Variants in RBFOX1 observed in about 807,000 individuals in gnomAD.
RBFOX1 encodes RNA binding fox-1 homolog 1.
Under a neutral mutation model 57.7 loss-of-function variants are expected in RBFOX1, and 8 were observed. The ratio of observed to expected loss-of-function variants is 0.14; its 90% confidence interval spans 0.08 to 0.25. The LOEUF (loss-of-function observed/expected upper bound fraction) is 0.25, where lower values mean the gene tolerates loss of function less well. RBFOX1 is among the 10% of genes least tolerant of loss of function. The pLI is 1.00. For missense variants in RBFOX1, 611 were observed against 548.5 expected (o/e 1.11, Z -1.14); for synonymous variants, 326 against 222.4 (o/e 1.47, Z -4.15).
At chr16:5,411,649 C>G (rs949696518) in intron 1 of RBFOX1, among the ~76,000 whole-genome samples, 34 of 151,986 alleles carry the variant, frequency 2.2e-4, no homozygotes, top group South Asian at 6.2e-4. Flanking sequence ...ACTGTGGTCC[C>G]AAGACTTTGG....
chr16:7,156,447 A>G (rs764683321), intron 4 of RBFOX1, among the ~76,000 whole-genome samples: 1 of 152,104 alleles, frequency 6.6e-6, no homozygotes, highest in African/African-American at 2.4e-5. Flanking sequence ...AGATATGCAT[A>G]TATGTGTACA....
intron 1 of RBFOX1, among the ~76,000 whole-genome samples, chr16:6,173,492 C>T (rs539417893): frequency 2.7e-4 from 41 of 151,984 alleles, no homozygotes; most frequent in Admixed American, 1.1e-3. Flanking sequence ...CTCCACTCAC[C>T]AGTGGATATT....
At chr16:7,085,785 C>G (rs1277963242) in intron 4 of RBFOX1, among the ~76,000 whole-genome samples, 2 of 152,136 alleles carry the variant, frequency 1.3e-5, no homozygotes, top group African/African-American at 2.4e-5. Context: ...GTGTTCAGAA[C>G]TTCTCCCAAG....
At chr16:6,095,972 G>A (rs934577412) in intron 1 of RBFOX1, among the ~76,000 whole-genome samples, 4 of 152,166 alleles carry the variant, frequency 2.6e-5, no homozygotes, top group African/African-American at 9.7e-5. Context: ...AGCCACCCAG[G>A]CCACGATGGG....
chr16:6,691,893 G>C (rs1313602388), intron 3 of RBFOX1, among the ~76,000 whole-genome samples: 2 of 151,386 alleles, frequency 1.3e-5, no homozygotes, highest in Non-Finnish European at 2.9e-5. Flanking sequence ...TGGTCAGAAA[G>C]ATGCTACTTT....
chr16:7,030,823 C>T (rs1485805136), intron 3 of RBFOX1, among the ~76,000 whole-genome samples: 2 of 152,192 alleles, frequency 1.3e-5, no homozygotes, highest in African/African-American at 2.4e-5. Context: ...GACTTGACTT[C>T]ATCCGTGTCT....
At chr16:6,589,054 G>A (rs1282757288) in intron 2 of RBFOX1, among the ~76,000 whole-genome samples, 1 of 152,074 alleles carries the variant, frequency 6.6e-6, no homozygotes, top group Non-Finnish European at 1.5e-5. Flanking sequence ...TTATTACACT[G>A]ATAGTAGTGA....
rs1010475215 is a variant in RBFOX1, at chr16:5,795,257, T to G, written c.319-72046T>G. Among the ~76,000 whole-genome samples, 4 of 152,072 alleles carry G rather than the reference T, an allele frequency of 2.6e-5. No individual in the cohort carries two copies. In the East Asian group the frequency reaches 5.8e-4, roughly 22 times the overall value. On this transcript the variant is annotated intron_variant, in intron 3 of 19. Coordinates refer to the RBFOX1 transcript ENST00000641259. ...TATGCCCAGTGACACTTGGTTCCTGTTAAGGACCAAGATCTGTTCCACCTT... is the reference window on the plus strand; with the variant it reads ...TATGCCCAGTGACACTTGGTTCCTGGTAAGGACCAAGATCTGTTCCACCTT...
intron 2 of RBFOX1, among the ~76,000 whole-genome samples, chr16:6,622,349 CT>C (rs1601797279): frequency 1.3e-5 from 2 of 152,018 alleles, no homozygotes; most frequent in African/African-American, 4.8e-5. Flanking sequence ...TTTATCGTAC[CT>C]TTTCTATGTA....
At chr16:6,009,186 C>T (rs1324786403) in intron 4 of RBFOX1, among the ~76,000 whole-genome samples, 1 of 151,872 alleles carries the variant, frequency 6.6e-6, no homozygotes, top group Non-Finnish European at 1.5e-5. Context: ...ACAGTGATTC[C>T]AGGTCCAGGA....
intron 1 of RBFOX1, among the ~76,000 whole-genome samples, chr16:6,077,996 G>A (rs1017922472): frequency 1.3e-5 from 2 of 152,064 alleles, no homozygotes; most frequent in African/African-American, 4.8e-5. Flanking sequence ...TTAATTCCCG[G>A]GTAGATGTAT....
chr16:6,749,286 A>G (rs17141241), intron 3 of RBFOX1, among the ~76,000 whole-genome samples: 19,488 of 152,108 alleles, frequency 0.13, 1,957 homozygotes, highest in African/African-American at 0.28. Context: ...GTCAGTAATG[A>G]CATCAACCCA....
intron 2 of RBFOX1, among the ~76,000 whole-genome samples, chr16:6,562,985 C>G (rs952656798): frequency 4.1e-5 from 6 of 147,242 alleles, no homozygotes; most frequent in Admixed American, 6.9e-5. Flanking sequence ...TGCAATGTAC[C>G]TTCCATGAAG....
chr16:6,266,383 C>G (rs886354308), intron 1 of RBFOX1, among the ~76,000 whole-genome samples: 4 of 152,182 alleles, frequency 2.6e-5, no homozygotes, highest in Non-Finnish European at 1.5e-5. Context: ...CCTTCCAAGT[C>G]TCTAGCAGAA....
intron 3 of RBFOX1, among the ~76,000 whole-genome samples, chr16:5,795,390 A>G (rs935988067): frequency 2.6e-5 from 4 of 151,730 alleles, no homozygotes; most frequent in South Asian, 4.2e-4. Flanking sequence ...TGCTGTGTCA[A>G]TCTTCTGGGC....
rs116019605 is a variant in RBFOX1 at position 5,869,839 on chromosome 16, G to T, written c.351+2504G>T. Among the ~76,000 whole-genome samples the T allele has an allele frequency of 6.6e-3, 1,011 of 152,216 alleles. 15 individuals are homozygous for T. Among genetic ancestry groups the T allele is most frequent in the African/African-American group, 0.024 (979 of 41,538 alleles). On this transcript the variant is annotated intron_variant, in intron 4 of 19. Coordinates refer to the RBFOX1 transcript ENST00000641259. ...TCTACTTGTATGCCCAAGAGAAACGGTGCTTATGTCCACCAAAACAACACA... is the reference window on the plus strand; with the variant it reads ...TCTACTTGTATGCCCAAGAGAAACGTTGCTTATGTCCACCAAAACAACACA...
chr16:6,571,949 C>G (rs970980563), intron 2 of RBFOX1, among the ~76,000 whole-genome samples: 3 of 152,118 alleles, frequency 2.0e-5, no homozygotes, highest in Non-Finnish European at 2.9e-5. Context: ...ATTTTATATA[C>G]AGTTGTACTC....
At chr16:6,876,050 A>G (rs187454086) in intron 3 of RBFOX1, among the ~76,000 whole-genome samples, 30 of 151,910 alleles carry the variant, frequency 2.0e-4, no homozygotes, top group Non-Finnish European at 3.2e-4. Flanking sequence ...ACACACGTCT[A>G]TAGTCCTAGC....
At chr16:7,010,786 A>T (rs180857961) in intron 3 of RBFOX1, among the ~76,000 whole-genome samples, 2 of 152,150 alleles carry the variant, frequency 1.3e-5, no homozygotes, top group East Asian at 3.9e-4. Context: ...GCTGGTCTCA[A>T]ACTCCTGGCC....
Sources: allele counts gnomAD v4.1 joint callset (sites outside exome capture counted in the v4.1 genomes callset), GRCh38; gene constraint gnomAD v4.1.1; transcripts MANE v1.5; gene names NCBI Gene and HGNC (gene_info 2026-07-23, HGNC 2026-07-21).